GSPT1: variants seen among roughly 807,000 people sequenced by gnomAD.
GSPT1 encodes G1 to S phase transition 1.
GSPT1 carries 20 observed loss-of-function variants against 72.5 expected under a neutral mutation model. The ratio of observed to expected loss-of-function variants is 0.28; its 90% CI spans 0.19 to 0.40. The LOEUF is 0.40. GSPT1 is among the 10% of genes least tolerant of loss of function. The pLI is 1.00. For synonymous variants in GSPT1, 334 were observed against 293.5 expected (o/e 1.14, Z -1.41); for missense variants, 580 against 811.9 (o/e 0.71, Z 3.47).
intron 1 of GSPT1, among the ~76,000 whole-genome samples, chr16:11,914,662 C>G (rs1330269812): frequency 6.6e-6 from 1 of 152,192 alleles, no homozygotes; most frequent in African/African-American, 2.4e-5. Context: ...GTAAGCTTCA[C>G]TTTAAAAAGA....
At chr16:11,915,959 A>C (rs1241210377), upstream of GSPT1, 2 of 730,496 alleles carry the variant, frequency 2.7e-6, no homozygotes, top group Admixed American at 1.7e-5. Context: ...GTGTGAGCGG[A>C]TCTCCTCCCA....
Position 11,869,285 on chromosome 16 carries a change from A to T in GSPT1, c.*3834T>A, listed in dbSNP as rs1481507105. On this transcript the variant is annotated 3_prime_UTR_variant, in exon 15 of 15. Transcript: ENST00000434724. ...TAGTTAAGTCTTTTGTGCATGTGCAATTACACTTACTTAACAAGATGCTGC... is the reference window on the plus strand; with the variant it reads ...TAGTTAAGTCTTTTGTGCATGTGCATTTACACTTACTTAACAAGATGCTGC... The T allele has an allele frequency of 6.6e-6, 1 of 152,244 alleles. No individual in the cohort carries two copies. The highest frequency in any genetic ancestry group is 1.5e-5 in the Non-Finnish European group (1 of 68,048). 9.4% of individuals were successfully genotyped at this position (152,244 alleles called of 1,614,324 possible). A position where few individuals can be genotyped will look rare whatever the true frequency, so the allele number is the denominator to read the frequency against.
intron 1 of GSPT1, among the ~76,000 whole-genome samples, chr16:11,913,921 C>G (rs1343603495): frequency 6.6e-6 from 1 of 152,232 alleles, no homozygotes; most frequent in African/African-American, 2.4e-5. Context: ...ATCAACCGTG[C>G]TGACGTACAT....
Position 11,886,764 on chromosome 16 carries a change from C to G in GSPT1, c.1112+13G>C. ...AATCCCACTAACATAAAATACCAGA[C>G]ATCTACGCTCACCTCTCATTGCTCC... On this transcript the variant is annotated intron_variant, in intron 8 of 14. Transcript: ENST00000434724. The G allele has an allele frequency of 4.3e-6, 7 of 1,610,108 alleles. No individual in the cohort carries two copies. Among genetic ancestry groups the G allele is most frequent in the Non-Finnish European group, 5.1e-6 (6 of 1,176,896 alleles).
At chr16:11,873,624 G>A (rs1265416912) in intron 14 of GSPT1, among the ~76,000 whole-genome samples, 1 of 152,046 alleles carries the variant, frequency 6.6e-6, no homozygotes, top group Non-Finnish European at 1.5e-5. Context: ...GTCTTACTCT[G>A]TCACCCAGGC....
At chr16:11,912,173 T>G (rs2054568422) in intron 1 of GSPT1, among the ~76,000 whole-genome samples, 1 of 149,526 alleles carries the variant, frequency 6.7e-6, no homozygotes, top group East Asian at 2.0e-4. Context: ...TGAAACCCCA[T>G]CCCTGCAAAA....
chr16:11,901,445 C>T (rs1427374711), intron 1 of GSPT1, among the ~76,000 whole-genome samples: 1 of 152,148 alleles, frequency 6.6e-6, no homozygotes, highest in Non-Finnish European at 1.5e-5. Flanking sequence ...CCAGTGTTAT[C>T]TCTATGTTTA....
At chr16:11,906,562 A>C (rs943868123) in intron 1 of GSPT1, among the ~76,000 whole-genome samples, 4 of 152,180 alleles carry the variant, frequency 2.6e-5, no homozygotes, top group African/African-American at 9.6e-5. Context: ...TAAGCCCAGG[A>C]GGTTGAGGCC....
chr16:11,879,118 C>T (rs950497509), intron 11 of GSPT1, among the ~76,000 whole-genome samples: 13 of 150,818 alleles, frequency 8.6e-5, no homozygotes, highest in South Asian at 2.1e-4. Context: ...AAAAAAAGGC[C>T]GGGCACAGTG....
At chr16:11,913,502 G>A (rs2054586480) in intron 1 of GSPT1, among the ~76,000 whole-genome samples, 1 of 152,176 alleles carries the variant, frequency 6.6e-6, no homozygotes, top group Non-Finnish European at 1.5e-5. Flanking sequence ...CAACTATCAG[G>A]AAGAGAGAAA....
rs1341836312 is a variant in GSPT1 at position 11,877,775 on chromosome 16, G to T, written c.1429-195C>A. ...CCTAGAAGTATAACTGCCAATTAAA[G>T]TATTAACGTGTCACCTTTTAAATAT... On this transcript the variant is annotated intron_variant, in intron 11 of 14. Coordinates refer to ENST00000434724, the MANE Select transcript of GSPT1 (RefSeq NM_002094.4). The surrounding 1 kb of genome is among the most constrained non-coding windows in gnomAD (Gnocchi z 4.0). Among the ~76,000 whole-genome samples, 1 of 152,188 alleles carries T rather than the reference G, an allele frequency of 6.6e-6. No individual in the cohort carries two copies. The highest frequency in any genetic ancestry group is 1.5e-5 in the Non-Finnish European group (1 of 68,052).
chr16:11,887,040 CA>C lies in GSPT1; in HGVS notation c.958-110del, dbSNP rs2054193990. ...TCACGAGTTTTTTTTTTTTTTTTTG[CA>C]AGAAAATAGAAGCAAACGAGTTATG... is the stretch of plus-strand genomic sequence containing the variant. On this transcript the variant is annotated intron_variant, in intron 7 of 14. Transcript: ENST00000434724. 1.0e-5 allele frequency: 6 copies of C among 595,786 alleles called. No homozygotes were observed. The African/African-American group carries it at 1.6e-4, about 16-fold the overall frequency. The allele number at this position is 595,786 out of a possible 1,614,324, so 36.9% of individuals were successfully genotyped here.
At chr16:11,914,924 G>A (rs545668432) in intron 1 of GSPT1, 2 of 944,090 alleles carry the variant, frequency 2.1e-6, no homozygotes, top group African/African-American at 1.7e-5. Flanking sequence ...TCTCGGCTGG[G>A]CCTAAGGTGA....
At chr16:11,894,739 C>T (rs908102216) in intron 5 of GSPT1, among the ~76,000 whole-genome samples, 3 of 152,214 alleles carry the variant, frequency 2.0e-5, no homozygotes, top group African/African-American at 7.2e-5. Context: ...ATCCTCCCAC[C>T]TTAGCCTCTC....
At chr16:11,905,645 G>C (rs1286285347) in intron 1 of GSPT1, among the ~76,000 whole-genome samples, 1 of 152,156 alleles carries the variant, frequency 6.6e-6, no homozygotes, top group Non-Finnish European at 1.5e-5. Context: ...GACCAGCCTG[G>C]CCAACGTGGT....
chr16:11,910,715 A>T (rs1252715866), intron 1 of GSPT1, among the ~76,000 whole-genome samples: 1 of 152,370 alleles, frequency 6.6e-6, no homozygotes, highest in South Asian at 2.1e-4. Context: ...TAACTTGTTC[A>T]AACTGAAATT....
At chr16:11,892,132 C>G (rs975943178) in intron 5 of GSPT1, among the ~76,000 whole-genome samples, 1 of 149,902 alleles carries the variant, frequency 6.7e-6, no homozygotes, top group African/African-American at 2.5e-5. Context: ...TCCCTTGAGG[C>G]CAGGAGTTTG....
chr16:11,877,932 T>C lies in GSPT1; in HGVS notation c.1429-352A>G, dbSNP rs1343367729. Among the ~76,000 whole-genome samples, 2 of 152,206 alleles carry C rather than the reference T, an allele frequency of 1.3e-5. No homozygotes were observed. The highest frequency in any genetic ancestry group is 2.9e-5 in the Non-Finnish European group (2 of 68,048). On this transcript the variant is annotated intron_variant, in intron 11 of 14. Transcript: ENST00000434724. This position sits in a 1 kb window ranked among gnomAD's most constrained non-coding sequence, Gnocchi z 4.0. ...GATATAATTTTTATTATTATGGAAT[T>C]CTATGAAGGATTTAATAAACCTGTC... is the stretch of plus-strand genomic sequence containing the variant.
chr16:11,905,523 CTTTAA>C (rs1476780093), intron 1 of GSPT1, among the ~76,000 whole-genome samples: 1 of 152,140 alleles, frequency 6.6e-6, no homozygotes, highest in Non-Finnish European at 1.5e-5. Flanking sequence ...CATGACACCT[CTTTAA>C]ATTAGAGGCA....
Sources: gnomAD v4.1 joint callset for allele counts (sites outside exome capture counted in the v4.1 genomes callset) on GRCh38, gnomAD v4.1.1 for gene constraint, Gnocchi (gnomAD v3.1) non-coding constraint, MANE v1.5 for transcripts, NCBI Gene and HGNC (gene_info 2026-07-23, HGNC 2026-07-21) for gene names.